The following PKHD1 variants were observed in gnomAD, a reference collection of about 807,000 sequenced individuals.
PKHD1 encodes PKHD1 ciliary IPT domain containing fibrocystin/polyductin.
A neutral mutation model predicts 412.0 loss-of-function variants in PKHD1; 291 were observed. The observed-to-expected ratio is 0.71, with a 90% CI of 0.64 to 0.78. The LOEUF is 0.78. PKHD1 is among the 30% of genes least tolerant of loss of function. The pLI, the probability that PKHD1 is intolerant of heterozygous loss-of-function variation, is 0.00. For missense variants in PKHD1, 4,825 were observed against 4,950.7 expected (o/e 0.97, Z 0.76); for synonymous variants, 1,777 against 1,821.5 (o/e 0.98, Z 0.62).
At chr6:51,895,046 A>G (rs538110618) in intron 43 of PKHD1, among the ~76,000 whole-genome samples, 1 of 152,370 alleles carries the variant, frequency 6.6e-6, no homozygotes, top group African/African-American at 2.4e-5. Context: ...ATGCACATAC[A>G]TACACACACA....
intron 66 of PKHD1, among the ~76,000 whole-genome samples, chr6:51,620,299 A>G (rs575738296): frequency 5.9e-5 from 9 of 152,184 alleles, no homozygotes; most frequent in Non-Finnish European, 1.3e-4. Context: ...CTAAACATCA[A>G]CTCAGAAGAG....
intron 35 of PKHD1, among the ~76,000 whole-genome samples, chr6:51,960,231 T>G (rs1194572928): frequency 6.6e-6 from 1 of 152,140 alleles, no homozygotes; most frequent in Non-Finnish European, 1.5e-5. Flanking sequence ...ATTGGTTACC[T>G]CTCTCTTTTT....
chr6:51,710,299 A>G (rs1368334780), intron 60 of PKHD1, among the ~76,000 whole-genome samples: 1 of 152,206 alleles, frequency 6.6e-6, no homozygotes, highest in Non-Finnish European at 1.5e-5. Flanking sequence ...TATGGATATA[A>G]ATATGGATGA....
intron 36 of PKHD1, among the ~76,000 whole-genome samples, chr6:51,954,187 G>C (rs893762978): frequency 3.3e-5 from 5 of 152,054 alleles, no homozygotes; most frequent in Admixed American, 6.6e-5. Context: ...GTGTGCTAAT[G>C]GCTTTACAAA....
At chr6:51,759,376 C>T (rs1481902051) in intron 55 of PKHD1, among the ~76,000 whole-genome samples, 2 of 152,114 alleles carry the variant, frequency 1.3e-5, no homozygotes, top group South Asian at 2.1e-4. Flanking sequence ...TCACCAAAGG[C>T]TGGGCATAGG....
At chr6:51,698,081 T>C (rs575486393) in intron 60 of PKHD1, among the ~76,000 whole-genome samples, 4 of 152,276 alleles carry the variant, frequency 2.6e-5, no homozygotes, top group East Asian at 1.9e-4. Context: ...TTAAGAGTTA[T>C]CAATGATCAA....
chr6:51,774,781 T>C (rs1017341142), intron 54 of PKHD1, among the ~76,000 whole-genome samples: 1 of 151,960 alleles, frequency 6.6e-6, no homozygotes, highest in East Asian at 1.9e-4. Context: ...TCAGAAATGA[T>C]GGTCCTTGCT....
intron 27 of PKHD1, among the ~76,000 whole-genome samples, chr6:52,037,215 A>T (rs993855827): frequency 2.6e-5 from 4 of 152,138 alleles, no homozygotes; most frequent in African/African-American, 9.6e-5. Flanking sequence ...TATATGCTTC[A>T]CCAAAATAAA....
chr6:51,788,302 TA>T (rs1247469184), intron 53 of PKHD1, among the ~76,000 whole-genome samples: 9 of 151,972 alleles, frequency 5.9e-5, no homozygotes, highest in Non-Finnish European at 1.3e-4. Context: ...TCTGTTCTGA[TA>T]GCTGGAGGCT....
At chr6:51,728,022 TC>T (rs1175571077) in intron 60 of PKHD1, among the ~76,000 whole-genome samples, 2 of 152,196 alleles carry the variant, frequency 1.3e-5, no homozygotes, top group African/African-American at 4.8e-5. Flanking sequence ...CAATTCCTTT[TC>T]CTTCTCCATA....
At chr6:51,791,504 G>T in intron 52 of PKHD1, 131 bp from the exon 53 acceptor site, 1 of 779,090 alleles carries the variant, frequency 1.3e-6, no homozygotes, top group Non-Finnish European at 2.2e-6. Context: ...GCAACTGGAA[G>T]AACAAATAGT....
At chr6:52,024,548 T>C in intron 32 of PKHD1, 26 bp downstream of exon 32, 1 of 1,599,942 alleles carries the variant, frequency 6.3e-7, no homozygotes, top group South Asian at 1.1e-5. Flanking sequence ...ATAAAGAAAG[T>C]GTGCTGTCTT....
intron 52 of PKHD1, among the ~76,000 whole-genome samples, chr6:51,830,636 T>C: frequency 6.6e-6 from 1 of 152,164 alleles, no homozygotes; most frequent in African/African-American, 2.4e-5. Context: ...GACAATTACT[T>C]ATTCCACTTT....
chr6:51,735,670 A>G (rs1330472384), intron 60 of PKHD1, among the ~76,000 whole-genome samples: 1 of 152,152 alleles, frequency 6.6e-6, no homozygotes, highest in Non-Finnish European at 1.5e-5. Flanking sequence ...TCATGCCCAT[A>G]ATTGCAGCAC....
At chr6:51,902,016 C>T (rs1781380961) in intron 43 of PKHD1, among the ~76,000 whole-genome samples, 1 of 152,192 alleles carries the variant, frequency 6.6e-6, no homozygotes, top group Admixed American at 6.5e-5. Context: ...GCCAGCTCAA[C>T]CCTTCTTCTT....
intron 59 of PKHD1, among the ~76,000 whole-genome samples, chr6:51,745,725 T>C (rs1453788020): frequency 6.6e-6 from 1 of 152,142 alleles, no homozygotes; most frequent in Admixed American, 6.6e-5. Flanking sequence ...TAAATAAATT[T>C]CTGTTCTTCA....
intron 61 of PKHD1, 37 bp from the exon 62 acceptor site, chr6:51,649,257 G>A (rs566673880): frequency 6.6e-7 from 1 of 1,513,132 alleles, no homozygotes; most frequent in East Asian, 2.3e-5. Flanking sequence ...ACATCCTTAG[G>A]ATTACACATA....
chr6:51,861,854 A>C (rs1222880649), intron 48 of PKHD1, among the ~76,000 whole-genome samples: 1 of 152,176 alleles, frequency 6.6e-6, no homozygotes, highest in Non-Finnish European at 1.5e-5. Flanking sequence ...ATTCTATCTT[A>C]ATATATGAAG....
intron 27 of PKHD1, among the ~76,000 whole-genome samples, chr6:52,039,269 G>A (rs553059368): frequency 3.9e-4 from 60 of 152,336 alleles, no homozygotes; most frequent in Non-Finnish European, 7.3e-4. Flanking sequence ...TTGGCTCTGC[G>A]TCCTCACCCA....
Sources: gnomAD v4.1 joint callset for allele counts (sites outside exome capture counted in the v4.1 genomes callset) on GRCh38, gnomAD v4.1.1 for gene constraint, MANE v1.5 for transcripts, NCBI Gene and HGNC (gene_info 2026-07-23, HGNC 2026-07-21) for gene names.